The following DUSP8 variants were observed in gnomAD, a reference collection of about 807,000 sequenced individuals.
DUSP8 encodes the protein dual specificity protein phosphatase 8.
A neutral mutation model predicts 38.7 loss-of-function variants in DUSP8; 15 were observed. The ratio of observed to expected loss-of-function variants is 0.39; its 90% CI spans 0.26 to 0.60. The LOEUF is 0.60. Among genes scored for constraint, DUSP8 ranks in the 20% least tolerant of loss-of-function variants. The pLI, the probability that DUSP8 is intolerant of heterozygous loss-of-function variation, is 0.56. For synonymous variants in DUSP8, 458 were observed against 433.9 expected (o/e 1.06, Z -0.69); for missense variants, 768 against 915.0 (o/e 0.84, Z 2.07).
chr11:1,565,539 C>A (rs1848787935), intron 2 of DUSP8, 57 bp downstream of exon 2: 2 of 1,384,726 alleles, frequency 1.4e-6, no homozygotes, highest in African/African-American at 1.4e-5. Context: ...GAGCTGAGGG[C>A]CCCTTAGCTG....
At chr11:1,564,031 A>G (rs753639082) in intron 2 of DUSP8, 42 bp from the exon 3 acceptor site, 40 of 1,405,052 alleles carry the variant, frequency 2.8e-5, no homozygotes, top group Non-Finnish European at 3.6e-5. Flanking sequence ...GCCTCCACCT[A>G]TCGATGCCCT....
chr11:1,561,738 G>A (rs1188958464), intron 3 of DUSP8, among the ~76,000 whole-genome samples: 1 of 152,224 alleles, frequency 6.6e-6, no homozygotes, highest in Non-Finnish European at 1.5e-5. Flanking sequence ...CCTGCAAATG[G>A]ACCAAGGAGC....
rs1014551832 is a variant in DUSP8, at chr11:1,558,016, C to T, written c.697+96G>A. ...CCACCCGCCCAACTGCCAACAGTTC[C>T]GGCTACTTCCTGGGGACCCCTCCTG... On this transcript the variant is annotated intron_variant, in intron 5 of 6. Coordinates refer to ENST00000397374, the MANE Select transcript of DUSP8 (RefSeq NM_004420.3). This position sits in a 1 kb window ranked among gnomAD's most constrained non-coding sequence, Gnocchi z 6.3. 1.3e-5 allele frequency: 21 copies of T among 1,610,162 alleles called. No individual in the cohort carries two copies. Among genetic ancestry groups the T allele is most frequent in the South Asian group, 3.3e-5 (3 of 90,976 alleles).
At chr11:1,561,287 G>A (rs1261480750) in intron 3 of DUSP8, among the ~76,000 whole-genome samples, 1 of 152,196 alleles carries the variant, frequency 6.6e-6, no homozygotes, top group African/African-American at 2.4e-5. Context: ...TACTCACAGT[G>A]AAATCCCAGA....
upstream of DUSP8, chr11:1,572,692 C>T (rs1848928137): frequency 1.3e-5 from 2 of 152,078 alleles, no homozygotes; most frequent in African/African-American, 4.8e-5. The surrounding 1 kb of genome is among the most constrained non-coding windows in gnomAD (Gnocchi z 4.7). Flanking sequence ...CCGCTCCCCC[C>T]TTCTCCTGGC....
chr11:1,556,477 G>T lies in DUSP8; in HGVS notation c.*41C>A. ...ATTATATATAATATACATTTATAAC[G>T]GGCCTGGCTGCGGGCGGCGGGGCCG... On this transcript the variant is annotated 3_prime_UTR_variant, in exon 7 of 7. Coordinates refer to ENST00000397374, the MANE Select transcript of DUSP8 (RefSeq NM_004420.3). The surrounding 1 kb of genome is among the most constrained non-coding windows in gnomAD (Gnocchi z 5.2). The T allele has an allele frequency of 8.1e-7, 1 of 1,232,004 alleles. No homozygotes were observed. The highest frequency in any genetic ancestry group is 1.0e-6 in the Non-Finnish European group (1 of 987,670). The allele number at this position is 1,232,004 out of a possible 1,614,324, so 76.3% of individuals were successfully genotyped here.
rs1848669411 is a variant in DUSP8 at position 1,558,402 on chromosome 11, C to T, written c.538-131G>A. The T allele has an allele frequency of 1.2e-6, 1 of 859,050 alleles. No individual in the cohort carries two copies. The highest frequency in any genetic ancestry group is 1.8e-6 in the Non-Finnish European group (1 of 559,914). The allele number at this position is 859,050 out of a possible 1,614,324, so 53.2% of individuals were successfully genotyped here. ...GGGAGCCTTGGAATTTGTCCCAGAT[C>T]CCAGTGTATCCAGGGGAGGGCCCAG... On this transcript the variant is annotated intron_variant, in intron 4 of 6. Transcript: ENST00000397374. This position sits in a 1 kb window ranked among gnomAD's most constrained non-coding sequence, Gnocchi z 6.3.
chr11:1,558,552 G>A lies in DUSP8; in HGVS notation c.538-281C>T, dbSNP rs1316521691. ...CTAGGAATTTTATGATTGCCTGGGT[G>A]GTGGCTTTTACCCTTTTCCCTCGTC... On this transcript the variant is annotated intron_variant, in intron 4 of 6. Coordinates refer to ENST00000397374, the MANE Select transcript of DUSP8 (RefSeq NM_004420.3). This position sits in a 1 kb window ranked among gnomAD's most constrained non-coding sequence, Gnocchi z 6.3. 3.9e-5 allele frequency among the ~76,000 whole-genome samples: 6 copies of A among 152,120 alleles called. No individual in the cohort carries two copies. Among genetic ancestry groups the A allele is most frequent in the African/African-American group, 1.4e-4 (6 of 41,436 alleles).
chr11:1,554,925 T>G lies in DUSP8; in HGVS notation c.*1593A>C. The stretch of plus-strand genomic sequence containing the variant: ...GAGGGAACGGGAACAGGACTTTTGC[T>G]GAAAGGAGGGATGACAGGAACACAG... On this transcript the variant is annotated 3_prime_UTR_variant, in exon 7 of 7. Coordinates refer to ENST00000397374, the MANE Select transcript of DUSP8 (RefSeq NM_004420.3). The G allele has an allele frequency of 1.0e-6, 1 of 985,802 alleles. No individual in the cohort carries two copies. The highest frequency in any genetic ancestry group is 5.0e-4 in the Middle Eastern group (1 of 1,994). 61.1% of individuals were successfully genotyped at this position (985,802 alleles called of 1,614,324 possible). A position where few individuals can be genotyped will look rare whatever the true frequency, so the allele number is the denominator to read the frequency against.
intron 1 of DUSP8, among the ~76,000 whole-genome samples, chr11:1,566,827 C>T (rs1292650273): frequency 2.0e-5 from 3 of 152,110 alleles, no homozygotes; most frequent in African/African-American, 7.2e-5. Context: ...CCTGCAAAGG[C>T]CTCAGACTGC....
intron 1 of DUSP8, chr11:1,571,212 G>C (rs1590810407): frequency 6.6e-6 from 1 of 152,220 alleles, no homozygotes; most frequent in African/African-American, 2.4e-5. Flanking sequence ...CCCAGGCTGG[G>C]CAGCTGGGCC....
At position 1,557,541 on chromosome 11, in the gene DUSP8, G is replaced by C; in HGVS notation, c.855C>G (p.Pro285=). The C allele has an allele frequency of 6.3e-7, 1 of 1,590,920 alleles. No homozygotes were observed. Among genetic ancestry groups the C allele is most frequent in the Non-Finnish European group, 8.5e-7 (1 of 1,176,752 alleles). The change falls in exon 7 of 7, where the codon CCC becomes CCG. Residue 285 remains proline, a synonymous_variant. Coordinates refer to ENST00000397374, the MANE Select transcript of DUSP8 (RefSeq NM_004420.3). The surrounding 1 kb of genome is among the most constrained non-coding windows in gnomAD (Gnocchi z 9.9). ...GCAGCTGGCCCAGGAAGTTGAAGTT[G>C]GGCGAGATGGACGGGCGCCTGTCCT... ...FVKDRRPSIS[P]NFNFLGQLLE... is the part of the protein sequence containing the mutation.
At position 1,555,298 on chromosome 11, in the gene DUSP8, T is replaced by C; in HGVS notation, c.*1220A>G. ...GGAGTTTCTCTCCTGAGCGGCCCCATGGGGGTGGGGGCAAACGAGGGGGCT... is the reference window on the plus strand; with the variant it reads ...GGAGTTTCTCTCCTGAGCGGCCCCACGGGGGTGGGGGCAAACGAGGGGGCT... On this transcript the variant is annotated 3_prime_UTR_variant, in exon 7 of 7. Transcript: ENST00000397374. 1 of 987,544 alleles carries C rather than the reference T, an allele frequency of 1.0e-6. No homozygotes were observed. Among genetic ancestry groups the C allele is most frequent in the Non-Finnish European group, 1.2e-6 (1 of 830,062 alleles). 61.2% of individuals were successfully genotyped at this position (987,544 alleles called of 1,614,324 possible). A position where few individuals can be genotyped will look rare whatever the true frequency, so the allele number is the denominator to read the frequency against.
chr11:1,557,097 C>A lies in DUSP8; in HGVS notation c.1299G>T (p.Leu433=). The change falls in exon 7 of 7, where the codon CTG becomes CTT. Residue 433 remains leucine, a synonymous_variant. Transcript: ENST00000397374. This position sits in a 1 kb window ranked among gnomAD's most constrained non-coding sequence, Gnocchi z 9.9. ...TGTCCGGGCTGGGCGAGGACAGGCC[C>A]AGCGCGGCCCCCGACGGGCTGTCCA... is the stretch of plus-strand genomic sequence containing the variant. ...CKLDSPSGAA[L]GLSSPSPDSP... is the part of the protein sequence containing the mutation. 1 of 1,357,236 alleles carries A rather than the reference C, an allele frequency of 7.4e-7. No homozygotes were observed. Among genetic ancestry groups the A allele is most frequent in the South Asian group, 1.7e-5 (1 of 60,412 alleles). The allele number at this position is 1,357,236 out of a possible 1,614,324, so 84.1% of individuals were successfully genotyped here.
At chr11:1,571,781 C>T (rs1221490812) in intron 1 of DUSP8, 120 bp downstream of exon 1, 3 of 150,426 alleles carry the variant, frequency 2.0e-5, no homozygotes, top group Middle Eastern at 3.4e-3. Context: ...CTCCTCCTCC[C>T]GGGCGCCCAC....
rs1848636893 is a variant in DUSP8, at chr11:1,556,968, G to A, written c.1428C>T (p.Phe476=). The A allele has an allele frequency of 1.9e-6, 2 of 1,060,336 alleles. No individual in the cohort carries two copies. The highest frequency in any genetic ancestry group is 2.3e-6 in the Non-Finnish European group (2 of 880,224). The allele number at this position is 1,060,336 out of a possible 1,614,324, so 65.7% of individuals were successfully genotyped here. A position where few individuals can be genotyped will look rare whatever the true frequency, so the allele number is the denominator to read the frequency against. Residue 476 remains phenylalanine, a synonymous_variant, in exon 7 of 7, where the codon TTC becomes TTT. Transcript: ENST00000397374. The surrounding 1 kb of genome is among the most constrained non-coding windows in gnomAD (Gnocchi z 5.2). ...GCGGAGTCTGCCGGGCCGCATCGCC[G>A]AAGTTCAGGCCGAGGCTGTGCGCGG... ...RSPAHSLGLN[F]GDAARQTPRH... is the part of the protein sequence containing the mutation.
In DUSP8 at chr11:1,557,989, C is replaced by A; in HGVS notation, c.698-72G>T. ...GCTTCTCCCTGGCCCAGGTAGGGGA[C>A]CCCACCCGCCCAACTGCCAACAGTT... On this transcript the variant is annotated intron_variant, in intron 5 of 6. Coordinates refer to ENST00000397374, the MANE Select transcript of DUSP8 (RefSeq NM_004420.3). This position sits in a 1 kb window ranked among gnomAD's most constrained non-coding sequence, Gnocchi z 9.9. The A allele has an allele frequency of 1.2e-6, 2 of 1,610,096 alleles. No individual in the cohort carries two copies. Among genetic ancestry groups the A allele is most frequent in the Middle Eastern group, 1.7e-4 (1 of 5,770 alleles).
In DUSP8 at chr11:1,557,944, G is replaced by T; in HGVS notation, c.698-27C>A. On this transcript the variant is annotated intron_variant, in intron 5 of 6. Transcript: ENST00000397374. The surrounding 1 kb of genome is among the most constrained non-coding windows in gnomAD (Gnocchi z 9.9). ...TGGGCAGGTGGGCCATGGGGGCCAG[G>T]TGAGGGCTAAGACTGCACAGCTTCT... is the stretch of plus-strand genomic sequence containing the variant. 1 of 1,613,634 alleles carries T rather than the reference G, an allele frequency of 6.2e-7. No homozygotes were observed. Among genetic ancestry groups the T allele is most frequent in the Non-Finnish European group, 8.5e-7 (1 of 1,179,990 alleles).
rs762369591 is a variant in DUSP8, at chr11:1,557,585, G to A, written c.822-11C>T. On this transcript the variant is annotated splice_polypyrimidine_tract_variant and intron_variant, in intron 6 of 6. Transcript: ENST00000397374. This position sits in a 1 kb window ranked among gnomAD's most constrained non-coding sequence, Gnocchi z 9.9. ...CTGTCCTTCACGAACCTGCGGGGGAGGAGGCTCAGTCCCAGGCGCCCGCCG... is the reference window on the plus strand; with the variant it reads ...CTGTCCTTCACGAACCTGCGGGGGAAGAGGCTCAGTCCCAGGCGCCCGCCG... The A allele has an allele frequency of 5.8e-6, 9 of 1,557,808 alleles. No individual in the cohort carries two copies. Among genetic ancestry groups the A allele is most frequent in the African/African-American group, 1.4e-5 (1 of 73,574 alleles).
Sources: gnomAD v4.1 joint callset for allele counts (sites outside exome capture counted in the v4.1 genomes callset) on GRCh38, gnomAD v4.1.1 for gene constraint, Gnocchi (gnomAD v3.1) non-coding constraint, MANE v1.5 for transcripts, NCBI Gene and HGNC (gene_info 2026-07-23, HGNC 2026-07-21) for gene names.